ABCC4: variants seen among roughly 807,000 people sequenced by gnomAD.
ABCC4 encodes the protein ATP binding cassette subfamily C member 4 (PEL blood group).
In ABCC4, 102 loss-of-function variants were observed where a neutral mutation model predicts 168.5. The ratio of observed to expected loss-of-function variants is 0.61; its 90% CI spans 0.52 to 0.71. The LOEUF is 0.71. ABCC4 is among the 30% of genes least tolerant of loss of function. The pLI, the probability that ABCC4 is intolerant of heterozygous loss-of-function variation, is 0.00. For synonymous variants in ABCC4, 617 were observed against 590.7 expected (o/e 1.04, Z -0.65); for missense variants, 1,402 against 1,605.8 (o/e 0.87, Z 2.17).
intron 22 of ABCC4, 141 bp from the exon 23 acceptor site, chr13:95,074,465 G>T: frequency 1.6e-6 from 1 of 636,588 alleles, no homozygotes. Context: ...ATTCCAGAAA[G>T]CTAAGTGATA....
chr13:95,078,431 G>T (rs1751047), intron 21 of ABCC4, among the ~76,000 whole-genome samples: 1 of 61,660 alleles, frequency 1.6e-5, no homozygotes, highest in African/African-American at 4.8e-5. Flanking sequence ...AAAAACAAAA[G>T]CAAGAAAACA....
At position 95,075,540 on chromosome 13, in the gene ABCC4, C is replaced by A. The variant is rs45504892; in HGVS notation, c.2698G>T (p.Val900Leu). The change falls in exon 22 of 31, where the codon GTG (valine) becomes TTG (leucine). Residue 900 changes from valine to leucine, a missense_variant. Physicochemically the swap from Val to Leu is conservative, Grantham distance 32 (BLOSUM62 1). Around this residue, in one of 3 missense-constraint regions of ABCC4, gnomAD observed 1,007 missense variants for 1,127.3 expected, o/e 0.89. Coordinates refer to ENST00000645237, the MANE Select transcript of ABCC4 (RefSeq NM_005845.5). ...KRLESTTRSPVFSHLSSSLQG... is the reference protein window; with the variant it reads ...KRLESTTRSPLFSHLSSSLQG... ...AGAGAAGATGATAAGTGGGAAAACA[C>A]TGGACTCCGAGCTGGGGAAACAGAC... 4.5e-4 allele frequency: 723 copies of A among 1,614,108 alleles called. 6 individuals are homozygous for A. The Admixed American group carries it at 0.011, about 25-fold the overall frequency.
intron 20 of ABCC4, among the ~76,000 whole-genome samples, chr13:95,112,447 A>G (rs1448523353): frequency 6.6e-6 from 1 of 152,110 alleles, no homozygotes; most frequent in Non-Finnish European, 1.5e-5. Flanking sequence ...AAGAATAACA[A>G]CTCGACAGTC....
chr13:95,222,985 T>C (rs1032077892), intron 4 of ABCC4, among the ~76,000 whole-genome samples: 1 of 151,978 alleles, frequency 6.6e-6, no homozygotes, highest in Non-Finnish European at 1.5e-5. Context: ...GCTACCCAGG[T>C]TGAGCACTAA....
At chr13:95,117,458 G>A (rs576770751) in intron 19 of ABCC4, among the ~76,000 whole-genome samples, 12 of 152,168 alleles carry the variant, frequency 7.9e-5, no homozygotes, top group Admixed American at 2.6e-4. Flanking sequence ...ACCAGCTTCC[G>A]GGGGCCCTTC....
chr13:95,217,425 A>T (rs1040649968), intron 4 of ABCC4, among the ~76,000 whole-genome samples: 7 of 152,188 alleles, frequency 4.6e-5, no homozygotes, highest in Non-Finnish European at 8.8e-5. Context: ...CCCCTCTCTA[A>T]TAGTCCTTTT....
intron 1 of ABCC4, among the ~76,000 whole-genome samples, chr13:95,261,585 A>G (rs1401105994): frequency 6.6e-6 from 1 of 152,212 alleles, no homozygotes; most frequent in Non-Finnish European, 1.5e-5. Context: ...TGGCTTATCC[A>G]TTTACTAGTA....
chr13:95,068,664 AC>A (rs1253327745), intron 25 of ABCC4, among the ~76,000 whole-genome samples: 1 of 152,148 alleles, frequency 6.6e-6, no homozygotes, highest in Non-Finnish European at 1.5e-5. Context: ...AATTCAATTT[AC>A]CCTCCCACAT....
rs138731825 is a variant in ABCC4 at position 95,191,864 on chromosome 13, C to G, written c.1263+2972G>C. Among the ~76,000 whole-genome samples the G allele has an allele frequency of 1.3e-3, 200 of 152,346 alleles. 1 individual carries two copies. Among genetic ancestry groups the G allele is most frequent in the African/African-American group, 4.6e-3 (193 of 41,582 alleles). ...TGCAAAACCCAGCTTCCCATCAAGG[C>G]CCTGGTTCTTAGAGCAGGTTTCTGC... On this transcript the variant is annotated intron_variant, in intron 9 of 30. Transcript: ENST00000645237.
At chr13:95,133,101 T>C (rs1004484939) in intron 19 of ABCC4, among the ~76,000 whole-genome samples, 1 of 147,438 alleles carries the variant, frequency 6.8e-6, no homozygotes, top group Non-Finnish European at 1.5e-5. Context: ...TTACTATGAT[T>C]TTAAAACTTT....
chr13:95,028,222 C>A (rs1593964347), intron 30 of ABCC4, among the ~76,000 whole-genome samples: 1 of 152,218 alleles, frequency 6.6e-6, no homozygotes, highest in East Asian at 1.9e-4. Context: ...ACCTCTAGAT[C>A]CAAGTCACAG....
intron 11 of ABCC4, among the ~76,000 whole-genome samples, chr13:95,182,150 TAAC>T (rs965024375): frequency 6.6e-6 from 1 of 152,106 alleles, no homozygotes; most frequent in Non-Finnish European, 1.5e-5. Flanking sequence ...ACTGAGAGAT[TAAC>T]AACAACAACA....
At chr13:95,094,783 G>A (rs1448667247) in intron 20 of ABCC4, among the ~76,000 whole-genome samples, 1 of 151,858 alleles carries the variant, frequency 6.6e-6, no homozygotes, top group African/African-American at 2.4e-5. Flanking sequence ...TTTGACAAAG[G>A]AGTAATATCC....
chr13:95,221,423 T>A (rs1423051163), intron 4 of ABCC4, among the ~76,000 whole-genome samples: 1 of 152,080 alleles, frequency 6.6e-6, no homozygotes, highest in Non-Finnish European at 1.5e-5. Flanking sequence ...GAAACAGGGT[T>A]TCACTATGTT....
At chr13:95,077,266 C>T (rs576359502) in intron 21 of ABCC4, among the ~76,000 whole-genome samples, 1 of 152,358 alleles carries the variant, frequency 6.6e-6, no homozygotes, top group South Asian at 2.1e-4. Context: ...ACTGACTTTG[C>T]TACCTGTGTA....
intron 1 of ABCC4, among the ~76,000 whole-genome samples, chr13:95,259,592 T>C (rs764526063): frequency 2.0e-5 from 3 of 152,176 alleles, no homozygotes; most frequent in African/African-American, 7.2e-5. Context: ...ATCTGAGGCA[T>C]TGCCAGGGTG....
chr13:95,183,075 CT>C (rs4148491), intron 11 of ABCC4, among the ~76,000 whole-genome samples: 5,343 of 124,342 alleles, frequency 0.043, 295 homozygotes, highest in African/African-American at 0.14. Flanking sequence ...TCCTCTAGGA[CT>C]TTTTTTTTTT....
intron 19 of ABCC4, among the ~76,000 whole-genome samples, chr13:95,124,845 T>A (rs2035700385): frequency 6.7e-6 from 1 of 148,836 alleles, no homozygotes; most frequent in Non-Finnish European, 1.5e-5. Flanking sequence ...ACCACTGTAC[T>A]CCAGGCTGGG....
chr13:95,065,824 G>A (rs2033516430), intron 25 of ABCC4, among the ~76,000 whole-genome samples: 1 of 152,166 alleles, frequency 6.6e-6, no homozygotes, highest in Admixed American at 6.5e-5. Flanking sequence ...TTATAACTTT[G>A]TTTTAATCAA....
Sources: allele counts gnomAD v4.1 joint callset (sites outside exome capture counted in the v4.1 genomes callset), GRCh38; gene constraint gnomAD v4.1.1; regional missense constraint gnomAD v4.1.1; transcripts MANE v1.5; gene names NCBI Gene and HGNC (gene_info 2026-07-23, HGNC 2026-07-21).